The following TYW1 variants were observed in gnomAD, a reference collection of about 807,000 sequenced individuals.
The protein encoded by TYW1 is tRNA-yW synthesizing protein 1 homolog.
Under a neutral mutation model 96.2 loss-of-function variants are expected in TYW1, and 46 were observed. The observed-to-expected ratio is 0.48, with a 90% CI of 0.38 to 0.61. The LOEUF (loss-of-function observed/expected upper bound fraction) is 0.61, where lower values mean the gene tolerates loss of function less well. Ranked by LOEUF, TYW1 falls within the 20% of genes least tolerant of loss-of-function variation. The pLI is 0.00. For synonymous variants in TYW1, 274 were observed against 323.0 expected, an observed-to-expected ratio of 0.85 and a Z score of 1.63; for missense variants, 684 against 909.6, an observed-to-expected ratio of 0.75 and a Z score of 3.19.
chr7:67,144,508 G>A (rs1798544728), intron 13 of TYW1, among the ~76,000 whole-genome samples: 1 of 151,958 alleles, frequency 6.6e-6, no homozygotes, highest in South Asian at 2.1e-4. Context: ...GTCTTGCTCT[G>A]TCACCCAGGC....
chr7:67,011,116 C>T (rs1793781546), intron 4 of TYW1, among the ~76,000 whole-genome samples: 1 of 152,148 alleles, frequency 6.6e-6, no homozygotes. Context: ...TGGCTCACTG[C>T]AACCTCCAAC....
rs188984801 is a variant in TYW1 at position 67,117,186 on chromosome 7, G to T, written c.1563-297G>T. On this transcript the variant is annotated intron_variant, in intron 12 of 15. Coordinates refer to ENST00000359626, the MANE Select transcript of TYW1 (RefSeq NM_018264.4). ...GCTGATGCTGTCAGACTTGAAGTTA[G>T]ATCACATTTTGTTTATTTTCCATTC... 2.3e-3 allele frequency among the ~76,000 whole-genome samples: 349 copies of T among 152,264 alleles called. 4 individuals are homozygous for T. The highest frequency in any genetic ancestry group is 0.022 in the South Asian group (108 of 4,814).
chr7:67,126,295 T>C (rs1377346957), intron 13 of TYW1, among the ~76,000 whole-genome samples: 1 of 151,552 alleles, frequency 6.6e-6, no homozygotes, highest in Non-Finnish European at 1.5e-5. Context: ...TGATGAGATG[T>C]CTGCTATGGT....
At chr7:67,235,391 C>G (rs1487449072) in intron 15 of TYW1, among the ~76,000 whole-genome samples, 1 of 152,216 alleles carries the variant, frequency 6.6e-6, no homozygotes, top group Non-Finnish European at 1.5e-5. Context: ...CCTCATTTGA[C>G]TGTCATGCAT....
Position 66,997,949 on chromosome 7 carries a change from G to A in TYW1, c.5-116G>A, listed in dbSNP as rs1793245467. Reference sequence around the variant, plus strand: ...CGGCCAACAGTTGATTTTTAAATTAGATTTCTTAGCTGGGTTGTTGAATGT... The same window carrying A: ...CGGCCAACAGTTGATTTTTAAATTAAATTTCTTAGCTGGGTTGTTGAATGT... On this transcript the variant is annotated intron_variant, in intron 1 of 15. Transcript: ENST00000359626. 8 of 1,346,504 alleles carry A rather than the reference G, an allele frequency of 5.9e-6. No homozygotes were observed. The South Asian group carries it at 1.3e-4, about 22-fold the overall frequency. The allele number at this position is 1,346,504 out of a possible 1,614,324, so 83.4% of individuals were successfully genotyped here.
chr7:67,180,519 G>A (rs115806591), intron 13 of TYW1, among the ~76,000 whole-genome samples: 41,965 of 148,156 alleles, frequency 0.28, 6,408 homozygotes, highest in African/African-American at 0.4. Context: ...ATTATTTTTC[G>A]TATATTCTCC....
At chr7:67,006,691 T>C (rs1419403865) in intron 3 of TYW1, among the ~76,000 whole-genome samples, 1 of 152,042 alleles carries the variant, frequency 6.6e-6, no homozygotes, top group Non-Finnish European at 1.5e-5. Context: ...CCGCCCGCCT[T>C]GACCTCCCAA....
rs182364934 is a variant in TYW1, at chr7:67,058,147, G to A, written c.1155+2260G>A. On this transcript the variant is annotated intron_variant, in intron 9 of 15. Coordinates refer to ENST00000359626, the MANE Select transcript of TYW1 (RefSeq NM_018264.4). ...GACAGGGTTTCACCGTGTTAGCCAG[G>A]ATGGTCTCAATCTCCTGACCTCGTG... is the stretch of plus-strand genomic sequence containing the variant. Among the ~76,000 whole-genome samples, 935 of 152,178 alleles carry A rather than the reference G, an allele frequency of 6.1e-3. 13 individuals are homozygous for A. Among genetic ancestry groups the A allele is most frequent in the Non-Finnish European group, 8.1e-3 (551 of 67,994 alleles).
intron 14 of TYW1, among the ~76,000 whole-genome samples, chr7:67,193,759 C>CAAAAA (rs35069275): frequency 1.7e-5 from 2 of 116,174 alleles, no homozygotes; most frequent in African/African-American, 3.3e-5. Context: ...GACTCTGTCT[C>CAAAAA]AAAAAAAAAA....
chr7:67,112,375 G>A (rs1306029869), intron 12 of TYW1, among the ~76,000 whole-genome samples: 1 of 151,962 alleles, frequency 6.6e-6, no homozygotes, highest in Non-Finnish European at 1.5e-5. Flanking sequence ...CAGTACTTTC[G>A]GAGGCCGAGG....
chr7:67,224,034 T>G (rs1047825715), intron 15 of TYW1, among the ~76,000 whole-genome samples: 4 of 152,156 alleles, frequency 2.6e-5, no homozygotes, highest in African/African-American at 9.7e-5. Flanking sequence ...GATTCTGAAG[T>G]AAATTAACTT....
rs752000183 is a variant in TYW1, at chr7:66,998,062, T to C, written c.5-3T>C. 1.3e-6 allele frequency: 2 copies of C among 1,580,846 alleles called. No individual in the cohort carries two copies. Among genetic ancestry groups the C allele is most frequent in the Non-Finnish European group, 1.7e-6 (2 of 1,169,436 alleles). On this transcript the variant is annotated splice_polypyrimidine_tract_variant and splice_region_variant and intron_variant, in intron 1 of 15. Coordinates refer to ENST00000359626, the MANE Select transcript of TYW1 (RefSeq NM_018264.4). ...GAAATTGTGTGTGTCATTTTAAATTTAGATCCTTCTGCGGATACATGGGAC... is the reference window on the plus strand; with the variant it reads ...GAAATTGTGTGTGTCATTTTAAATTCAGATCCTTCTGCGGATACATGGGAC...
In TYW1 at chr7:67,009,048, G is replaced by A. The variant is rs1261570132; in HGVS notation, c.274-535G>A. 4.6e-5 allele frequency among the ~76,000 whole-genome samples: 7 copies of A among 151,958 alleles called. No individual in the cohort carries two copies. In the South Asian group the frequency reaches 6.2e-4, roughly 13 times the overall value. ...TTTATGAGACAGGATCTGAGTCTGT[G>A]GCCCAGGCTAGAGTGCATTGGTGTG... On this transcript the variant is annotated intron_variant, in intron 3 of 15. Coordinates refer to ENST00000359626, the MANE Select transcript of TYW1 (RefSeq NM_018264.4).
intron 13 of TYW1, among the ~76,000 whole-genome samples, chr7:67,150,993 T>C (rs973731290): frequency 6.6e-6 from 1 of 152,146 alleles, no homozygotes; most frequent in African/African-American, 2.4e-5. Flanking sequence ...CTCCCTAGAA[T>C]TCAGCAGAGC....
At chr7:67,121,856 A>G (rs1026022289) in intron 13 of TYW1, among the ~76,000 whole-genome samples, 1 of 150,378 alleles carries the variant, frequency 6.6e-6, no homozygotes, top group African/African-American at 2.5e-5. Context: ...ATCCTTTGTC[A>G]AAATGTTCCT....
At chr7:67,034,821 C>T (rs570711659) in intron 7 of TYW1, among the ~76,000 whole-genome samples, 27 of 152,214 alleles carry the variant, frequency 1.8e-4, no homozygotes, top group Admixed American at 1.1e-3. Flanking sequence ...TAAACTTATC[C>T]GAAGAATAAA....
intron 15 of TYW1, among the ~76,000 whole-genome samples, chr7:67,226,422 G>C (rs1251331949): frequency 1.3e-5 from 2 of 152,064 alleles, no homozygotes; most frequent in Non-Finnish European, 2.9e-5. Flanking sequence ...TGCACTTGAT[G>C]GATCAGCTGG....
intron 7 of TYW1, among the ~76,000 whole-genome samples, chr7:67,036,669 G>GT: frequency 6.6e-6 from 1 of 152,340 alleles, no homozygotes; most frequent in African/African-American, 2.4e-5. Flanking sequence ...GGAACAAGAG[G>GT]TATTGCTTGT....
intron 10 of TYW1, among the ~76,000 whole-genome samples, chr7:67,068,970 C>T (rs112335517): frequency 0.029 from 4,404 of 152,304 alleles, 105 homozygotes; most frequent in Admixed American, 0.047. Context: ...GATTATGTTT[C>T]AGATTCTCAT....
Sources: allele counts gnomAD v4.1 joint callset (sites outside exome capture counted in the v4.1 genomes callset), GRCh38; gene constraint gnomAD v4.1.1; transcripts MANE v1.5; gene names NCBI Gene and HGNC (gene_info 2026-07-23, HGNC 2026-07-21).